Variants in RIN2 observed in about 807,000 individuals in gnomAD.
The protein encoded by RIN2 is Ras and Rab interactor 2, also known as RAB5 interacting protein 2.
RIN2 carries 36 observed loss-of-function variants against 78.0 expected under a neutral mutation model. The ratio of observed to expected loss-of-function variants is 0.46; its 90% CI spans 0.35 to 0.61. The LOEUF is 0.61. RIN2 is among the 20% of genes least tolerant of loss of function. RIN2 has a pLI of 0.00. For synonymous variants in RIN2, 466 were observed against 466.8 expected, an observed-to-expected ratio of 1.00 and a Z score of 0.02; for missense variants, 1,087 against 1,159.7, an observed-to-expected ratio of 0.94 and a Z score of 0.91.
intron 2 of RIN2, among the ~76,000 whole-genome samples, chr20:19,845,997 T>C (rs1004463828): frequency 6.6e-6 from 1 of 152,210 alleles, no homozygotes; most frequent in Non-Finnish European, 1.5e-5. Flanking sequence ...CCTTTCCCCA[T>C]TGCTTGTTTT....
rs571929414 is a variant in RIN2 at position 19,985,659 on chromosome 20, A to G, written c.1763-4347A>G. ...GGCTGAGGTGGGAGGATCCCTTGAG[A>G]CCAGGAGTTCGAGGCCAACCTGGGC... On this transcript the variant is annotated intron_variant, in intron 9 of 12. Coordinates refer to ENST00000255006, the MANE Select transcript of RIN2 (RefSeq NM_018993.4). Among the ~76,000 whole-genome samples, 4 of 152,236 alleles carry G rather than the reference A, an allele frequency of 2.6e-5. No individual in the cohort carries two copies. The East Asian group carries it at 5.8e-4, about 22-fold the overall frequency.
chr20:19,990,531 C>T (rs1029087572), intron 10 of RIN2, among the ~76,000 whole-genome samples: 1 of 152,024 alleles, frequency 6.6e-6, no homozygotes. Context: ...ATTTTTGTAC[C>T]AGGCCGATTT....
intron 1 of RIN2, among the ~76,000 whole-genome samples, chr20:19,759,357 T>C (rs2033533561): frequency 6.6e-6 from 1 of 152,102 alleles, no homozygotes. Flanking sequence ...ATCAGAGTAC[T>C]CTTCGACCAA....
rs894569784 is a variant in RIN2, at chr20:19,861,664, A to G, written c.-36-27902A>G. Among the ~76,000 whole-genome samples, 6 of 147,078 alleles carry G rather than the reference A, an allele frequency of 4.1e-5. No individual in the cohort carries two copies. The South Asian group carries it at 1.3e-3, about 32-fold the overall frequency. On this transcript the variant is annotated intron_variant, in intron 2 of 12. Coordinates refer to ENST00000255006, the MANE Select transcript of RIN2 (RefSeq NM_018993.4). ...CACCCTCCATATCTGATCACTCTCC[A>G]TATCTGATGATGACCCTCCGTATCT...
intron 1 of RIN2, among the ~76,000 whole-genome samples, chr20:19,765,767 G>C (rs960553316): frequency 1.4e-5 from 2 of 141,246 alleles, no homozygotes; most frequent in African/African-American, 5.1e-5. Flanking sequence ...CTTTTATGAA[G>C]TAAGCACAGG....
chr20:19,765,411 C>T (rs2033842545), intron 1 of RIN2, among the ~76,000 whole-genome samples: 1 of 152,134 alleles, frequency 6.6e-6, no homozygotes, highest in African/African-American at 2.4e-5. Context: ...GGCACAAACC[C>T]AGACTGGAGG....
rs566475549 is a variant in RIN2 at position 19,761,089 on chromosome 20, G to A, written c.-163+2762G>A. ...CAGCAAGAAGTATACCCTCAGGACT[G>A]TAATGCCTCTGAAGAAAGCAGGTAA... On this transcript the variant is annotated intron_variant, in intron 1 of 12. Coordinates refer to ENST00000255006, the MANE Select transcript of RIN2 (RefSeq NM_018993.4). 2.0e-5 allele frequency among the ~76,000 whole-genome samples: 3 copies of A among 152,330 alleles called. No homozygotes were observed. The South Asian group carries it at 6.2e-4, about 32-fold the overall frequency.
intron 2 of RIN2, among the ~76,000 whole-genome samples, chr20:19,835,435 T>C (rs1600572451): frequency 6.6e-6 from 1 of 152,210 alleles, no homozygotes; most frequent in South Asian, 2.1e-4. Context: ...TATTTTAAAG[T>C]CTTCAATAAC....
intron 2 of RIN2, among the ~76,000 whole-genome samples, chr20:19,826,037 T>C (rs1458681594): frequency 2.0e-5 from 3 of 152,260 alleles, no homozygotes; most frequent in African/African-American, 4.8e-5. Flanking sequence ...GTTTATAGCA[T>C]AAAAGTATGA....
chr20:19,926,244 TTTAA>T (rs1169029725), intron 3 of RIN2, among the ~76,000 whole-genome samples: 2 of 152,340 alleles, frequency 1.3e-5, no homozygotes, highest in South Asian at 4.1e-4. Context: ...ATTTATTTTC[TTTAA>T]TTAAAATATA....
At chr20:19,918,829 T>A (rs1297955540) in intron 3 of RIN2, among the ~76,000 whole-genome samples, 5 of 151,870 alleles carry the variant, frequency 3.3e-5, no homozygotes, top group African/African-American at 1.2e-4. Flanking sequence ...TAGGTAGATG[T>A]GTTACGCAGA....
At chr20:19,770,677 T>C (rs2034076640) in intron 1 of RIN2, among the ~76,000 whole-genome samples, 1 of 152,152 alleles carries the variant, frequency 6.6e-6, no homozygotes, top group Non-Finnish European at 1.5e-5. Flanking sequence ...AAGAATTCCA[T>C]GTTTTCACGT....
At chr20:19,774,096 G>A (rs891043589) in intron 1 of RIN2, among the ~76,000 whole-genome samples, 1 of 152,000 alleles carries the variant, frequency 6.6e-6, no homozygotes, top group Non-Finnish European at 1.5e-5. Context: ...CCATAGGCAG[G>A]GGATGGAGGC....
At chr20:19,796,996 G>C (rs925373005) in intron 1 of RIN2, among the ~76,000 whole-genome samples, 3 of 152,344 alleles carry the variant, frequency 2.0e-5, no homozygotes, top group Admixed American at 6.5e-5. Flanking sequence ...ATGAATGAAA[G>C]CTGCCCAGTA....
chr20:19,944,445 G>C (rs1335803159), intron 4 of RIN2, among the ~76,000 whole-genome samples: 1 of 152,172 alleles, frequency 6.6e-6, no homozygotes, highest in East Asian at 1.9e-4. Context: ...GGACCATGGT[G>C]GGCACAAGAC....
At chr20:19,788,220 T>C (rs189073231) in intron 1 of RIN2, among the ~76,000 whole-genome samples, 14 of 152,220 alleles carry the variant, frequency 9.2e-5, no homozygotes, top group African/African-American at 3.1e-4. Flanking sequence ...TCTATCACTC[T>C]GTCATCTGTA....
intron 2 of RIN2, among the ~76,000 whole-genome samples, chr20:19,875,140 C>A (rs1363332693): frequency 6.6e-6 from 1 of 151,538 alleles, no homozygotes; most frequent in Non-Finnish European, 1.5e-5. Context: ...GGATTACAGG[C>A]ATGAGCCACC....
rs189983599 is a variant in RIN2, at chr20:19,845,365, T to C, written c.-36-44201T>C. Among the ~76,000 whole-genome samples, 9 of 152,326 alleles carry C rather than the reference T, an allele frequency of 5.9e-5. No homozygotes were observed. In the East Asian group the frequency reaches 1.7e-3, roughly 29 times the overall value. On this transcript the variant is annotated intron_variant, in intron 2 of 12. Coordinates refer to ENST00000255006, the MANE Select transcript of RIN2 (RefSeq NM_018993.4). Reference sequence around the variant, plus strand: ...ACTCCCACCAACAGTGTAAAAGCTTTCCTATTTCTCCACATCCTCTCCAGC... The same window carrying C: ...ACTCCCACCAACAGTGTAAAAGCTTCCCTATTTCTCCACATCCTCTCCAGC...
At chr20:19,878,520 C>G (rs1177162812) in intron 2 of RIN2, among the ~76,000 whole-genome samples, 1 of 152,172 alleles carries the variant, frequency 6.6e-6, no homozygotes, top group Non-Finnish European at 1.5e-5. Flanking sequence ...CCAGGTTTCC[C>G]AAGTCCTCGT....
Sources: allele counts gnomAD v4.1 joint callset (sites outside exome capture counted in the v4.1 genomes callset), GRCh38; gene constraint gnomAD v4.1.1; transcripts MANE v1.5; gene names NCBI Gene and HGNC (gene_info 2026-07-23, HGNC 2026-07-21).